SIPA1L1: variants seen among roughly 807,000 people sequenced by gnomAD.
The protein encoded by SIPA1L1 is signal induced proliferation associated 1 like 1.
Under a neutral mutation model 162.7 loss-of-function variants are expected in SIPA1L1, and 26 were observed. That is an observed-to-expected ratio of 0.16 (90% CI 0.12 to 0.22). The LOEUF (loss-of-function observed/expected upper bound fraction) is 0.22, where lower values mean the gene tolerates loss of function less well. Among genes scored for constraint, SIPA1L1 ranks in the 10% least tolerant of loss-of-function variants. The pLI, the probability that SIPA1L1 is intolerant of heterozygous loss-of-function variation, is 1.00. For missense variants in SIPA1L1, 1,874 were observed against 2,241.0 expected (o/e 0.84, Z 3.31); for synonymous variants, 829 against 837.4 (o/e 0.99, Z 0.17).
rs1458604095 is a variant in SIPA1L1 at position 71,618,752 on chromosome 14, C to G, written c.1499-5C>G. 1 of 1,611,340 alleles carries G rather than the reference C, an allele frequency of 6.2e-7. No homozygotes were observed. Among genetic ancestry groups the G allele is most frequent in the South Asian group, 1.1e-5 (1 of 90,436 alleles). ...CTAACTTTGTTTTGTCTTATTTTAC[C>G]TAAGAACACTGGAACTATTTTGGGG... On this transcript the variant is annotated splice_region_variant and splice_polypyrimidine_tract_variant and intron_variant, in intron 5 of 23. Transcript: ENST00000381232.
chr14:71,624,092 G>T lies in SIPA1L1; in HGVS notation c.1674G>T (p.Ser558=). ...RGSVLEDAIP[S]TAKHSTARGL... ...CGGTCCTGGAGGACGCCATTCCGTC[G>T]ACAGCCAAGCACTCGACAGCCAGAG... is the stretch of plus-strand genomic sequence containing the variant. The change falls in exon 7 of 24, where the codon TCG becomes TCT. Residue 558 remains serine, a synonymous_variant. Coordinates refer to ENST00000381232, the MANE Select transcript of SIPA1L1 (RefSeq NM_001386936.1). The T allele has an allele frequency of 6.2e-7, 1 of 1,613,718 alleles. No individual in the cohort carries two copies. The highest frequency in any genetic ancestry group is 2.2e-5 in the East Asian group (1 of 44,884).
chr14:71,652,335 G>T (rs556322737), intron 8 of SIPA1L1, among the ~76,000 whole-genome samples: 1 of 152,092 alleles, frequency 6.6e-6, no homozygotes, highest in Non-Finnish European at 1.5e-5. Context: ...ATAAGACTTC[G>T]TTCTGTGTGC....
At chr14:71,720,160 C>T (rs2083592484) in intron 17 of SIPA1L1, among the ~76,000 whole-genome samples, 1 of 152,126 alleles carries the variant, frequency 6.6e-6, no homozygotes, top group Admixed American at 6.5e-5. Context: ...GTTCTGTGAC[C>T]TTCTTGTACC....
chr14:71,596,390 C>T (rs918912955), intron 5 of SIPA1L1, among the ~76,000 whole-genome samples: 1 of 152,148 alleles, frequency 6.6e-6, no homozygotes, highest in African/African-American at 2.4e-5. Context: ...GCACTGCATC[C>T]AGAGACTTTT....
chr14:71,478,163 T>C (rs2048035333), intron 2 of SIPA1L1, among the ~76,000 whole-genome samples: 2 of 152,340 alleles, frequency 1.3e-5, no homozygotes, highest in East Asian at 3.9e-4. Context: ...CATTTGTATA[T>C]CTTTTTTGAT....
intron 2 of SIPA1L1, among the ~76,000 whole-genome samples, chr14:71,349,295 C>G (rs546265019): frequency 6.6e-6 from 1 of 152,304 alleles, no homozygotes; most frequent in South Asian, 2.1e-4. Flanking sequence ...TACTTTTCTG[C>G]TGGGTGTGGG....
intron 2 of SIPA1L1, among the ~76,000 whole-genome samples, chr14:71,362,312 A>G (rs2037888844): frequency 6.6e-6 from 1 of 152,248 alleles, no homozygotes; most frequent in Non-Finnish European, 1.5e-5. Flanking sequence ...TTGATCAAGT[A>G]TGGTGTAGAT....
intron 12 of SIPA1L1, among the ~76,000 whole-genome samples, chr14:71,673,417 A>G (rs571866646): frequency 1.3e-5 from 2 of 152,252 alleles, no homozygotes; most frequent in East Asian, 1.9e-4. Flanking sequence ...AGCTTTGGCA[A>G]TTGATTCTTA....
intron 12 of SIPA1L1, among the ~76,000 whole-genome samples, chr14:71,677,175 G>A (rs144971478): frequency 3.6e-4 from 55 of 152,330 alleles, no homozygotes; most frequent in Middle Eastern, 3.4e-3. Flanking sequence ...TCTAACTGGT[G>A]TGAGATGGTA....
intron 4 of SIPA1L1, among the ~76,000 whole-genome samples, chr14:71,531,860 C>G (rs984128329): frequency 6.6e-6 from 1 of 152,138 alleles, no homozygotes; most frequent in Non-Finnish European, 1.5e-5. Flanking sequence ...AATTCCCTTA[C>G]TATTGGGGGA....
intron 2 of SIPA1L1, among the ~76,000 whole-genome samples, chr14:71,395,825 A>G (rs896000864): frequency 6.6e-6 from 1 of 152,222 alleles, no homozygotes; most frequent in Non-Finnish European, 1.5e-5. Context: ...CTATGCGCCA[A>G]GTACTTGCTA....
chr14:71,732,856 CT>C (rs896790969), intron 20 of SIPA1L1, among the ~76,000 whole-genome samples: 4 of 152,214 alleles, frequency 2.6e-5, no homozygotes, highest in Non-Finnish European at 5.9e-5. Flanking sequence ...TGGGCTGCCC[CT>C]CAACAGCAGA....
At chr14:71,373,365 G>A (rs977477347) in intron 2 of SIPA1L1, among the ~76,000 whole-genome samples, 23 of 151,338 alleles carry the variant, frequency 1.5e-4, no homozygotes, top group African/African-American at 5.6e-4. Context: ...GCTCACGCCT[G>A]TAATCCTAGG....
At chr14:71,617,256 C>G (rs2038944031) in intron 5 of SIPA1L1, among the ~76,000 whole-genome samples, 1 of 152,220 alleles carries the variant, frequency 6.6e-6, no homozygotes, top group South Asian at 2.1e-4. Context: ...GCCCTACACC[C>G]TGGACTTTGT....
chr14:71,580,386 C>T (rs544589317), intron 4 of SIPA1L1, among the ~76,000 whole-genome samples: 9 of 152,236 alleles, frequency 5.9e-5, no homozygotes, highest in East Asian at 1.9e-4. Context: ...CTGTGCTCTG[C>T]GTAGGTACCC....
chr14:71,581,851 G>A (rs931088489), intron 4 of SIPA1L1, among the ~76,000 whole-genome samples: 2 of 152,172 alleles, frequency 1.3e-5, no homozygotes, highest in African/African-American at 4.8e-5. Flanking sequence ...TAATAATTCT[G>A]TTTCACTTTT....
intron 17 of SIPA1L1, among the ~76,000 whole-genome samples, chr14:71,710,636 C>T (rs896451847): frequency 1.3e-5 from 2 of 151,766 alleles, no homozygotes; most frequent in African/African-American, 4.8e-5. Flanking sequence ...GGTGAAACCC[C>T]GTCTCTACTA....
chr14:71,638,442 G>T (rs760376835), intron 7 of SIPA1L1, among the ~76,000 whole-genome samples: 4 of 152,182 alleles, frequency 2.6e-5, no homozygotes, highest in Admixed American at 2.6e-4. Flanking sequence ...GAAAAATCAC[G>T]TGGTAATATC....
At chr14:71,355,963 A>G (rs1171011800) in intron 2 of SIPA1L1, among the ~76,000 whole-genome samples, 1 of 152,180 alleles carries the variant, frequency 6.6e-6, no homozygotes. Context: ...CTAGTTTAGC[A>G]GATTGGGCAG....
Sources: allele counts gnomAD v4.1 joint callset (sites outside exome capture counted in the v4.1 genomes callset), GRCh38; gene constraint gnomAD v4.1.1; transcripts MANE v1.5; gene names NCBI Gene and HGNC (gene_info 2026-07-23, HGNC 2026-07-21).